CRTC1: variants seen among roughly 807,000 people sequenced by gnomAD.
The protein encoded by CRTC1 is CREB-regulated transcription coactivator 1.
CRTC1 carries 18 observed loss-of-function variants against 66.1 expected under a neutral mutation model. That is an observed-to-expected ratio of 0.27 (90% CI 0.19 to 0.40). The LOEUF (loss-of-function observed/expected upper bound fraction) is 0.40. Among genes scored for constraint, CRTC1 ranks in the 10% least tolerant of loss-of-function variants. The pLI is 1.00. For synonymous variants in CRTC1, 416 were observed against 398.8 expected, an observed-to-expected ratio of 1.04 and a Z score of -0.51; for missense variants, 669 against 887.9, an observed-to-expected ratio of 0.75 and a Z score of 3.13.
intron 4 of CRTC1, among the ~76,000 whole-genome samples, chr19:18,748,777 C>T (rs574082136): frequency 2.0e-5 from 3 of 150,394 alleles, no homozygotes; most frequent in Non-Finnish European, 4.4e-5. Context: ...TGTTAGTAAA[C>T]GGAAGAAAAG....
intron 1 of CRTC1, among the ~76,000 whole-genome samples, chr19:18,716,657 G>A (rs1370916027): frequency 2.6e-5 from 4 of 152,208 alleles, no homozygotes; most frequent in East Asian, 1.9e-4. Context: ...AGGGGCTAGC[G>A]AGTAGAGCAT....
intron 1 of CRTC1, among the ~76,000 whole-genome samples, chr19:18,693,394 A>G (rs891991913): frequency 7.3e-5 from 11 of 151,704 alleles, no homozygotes; most frequent in Non-Finnish European, 1.6e-4. Context: ...GTCTAAAAAA[A>G]AAAAAATTCA....
rs372337241 is a variant in CRTC1, at chr19:18,771,437, C to T, written c.1321-5C>T. On this transcript the variant is annotated splice_region_variant and splice_polypyrimidine_tract_variant and intron_variant, in intron 10 of 13. Coordinates refer to ENST00000321949, the MANE Select transcript of CRTC1 (RefSeq NM_015321.3). The surrounding 1 kb of genome is among the most constrained non-coding windows in gnomAD (Gnocchi z 4.6). ...TGCGGCGTGCTGATCTGTCTGTCATCGCAGGCGCCGGCTCTGCAGCAGTAC... is the reference window on the plus strand; with the variant it reads ...TGCGGCGTGCTGATCTGTCTGTCATTGCAGGCGCCGGCTCTGCAGCAGTAC... The T allele has an allele frequency of 8.1e-6, 13 of 1,610,358 alleles. No individual in the cohort carries two copies. Among genetic ancestry groups the T allele is most frequent in the African/African-American group, 6.7e-5 (5 of 74,762 alleles).
chr19:18,747,699 G>A (rs563473794), intron 4 of CRTC1, among the ~76,000 whole-genome samples: 3 of 152,224 alleles, frequency 2.0e-5, no homozygotes, highest in Non-Finnish European at 4.4e-5. Flanking sequence ...ATTTAATGCT[G>A]TATTCAGAGC....
In CRTC1 at chr19:18,777,688, T is replaced by G; in HGVS notation, c.*306T>G. Reference sequence around the variant, plus strand: ...GCCCCCAGCCCCGGGGCCTGAGCCGTCCCCTGTAAGATGCGGGAAGTGTCA... The same window carrying G: ...GCCCCCAGCCCCGGGGCCTGAGCCGGCCCCTGTAAGATGCGGGAAGTGTCA... On this transcript the variant is annotated 3_prime_UTR_variant, in exon 14 of 14. Transcript: ENST00000321949. The surrounding 1 kb of genome is among the most constrained non-coding windows in gnomAD (Gnocchi z 5.5). 1 of 406,248 alleles carries G rather than the reference T, an allele frequency of 2.5e-6. No individual in the cohort carries two copies. The allele number at this position is 406,248 out of a possible 1,614,324, so 25.2% of individuals were successfully genotyped here.
intron 1 of CRTC1, among the ~76,000 whole-genome samples, chr19:18,728,006 G>C (rs964890874): frequency 6.6e-6 from 1 of 152,158 alleles, no homozygotes; most frequent in Non-Finnish European, 1.5e-5. Flanking sequence ...GATTACAGGC[G>C]TGAGCCACCG....
At position 18,777,027 on chromosome 19, in the gene CRTC1, A is replaced by T; in HGVS notation, c.1694-144A>T. 1 of 617,022 alleles carries T rather than the reference A, an allele frequency of 1.6e-6. No homozygotes were observed. Among genetic ancestry groups the T allele is most frequent in the Non-Finnish European group, 2.9e-6 (1 of 344,342 alleles). 38.2% of individuals were successfully genotyped at this position (617,022 alleles called of 1,614,324 possible). A position where few individuals can be genotyped will look rare whatever the true frequency, so the allele number is the denominator to read the frequency against. ...CATCTCATGTGCTGGCCCCTCCCCCAGTCATGACAGCTGGAATGTCCCCAG... is the reference window on the plus strand; with the variant it reads ...CATCTCATGTGCTGGCCCCTCCCCCTGTCATGACAGCTGGAATGTCCCCAG... On this transcript the variant is annotated intron_variant, in intron 13 of 13. Transcript: ENST00000321949. The surrounding 1 kb of genome is among the most constrained non-coding windows in gnomAD (Gnocchi z 5.5).
intron 1 of CRTC1, among the ~76,000 whole-genome samples, chr19:18,714,441 G>A (rs1183643056): frequency 6.6e-6 from 1 of 152,072 alleles, no homozygotes; most frequent in East Asian, 1.9e-4. Flanking sequence ...CTGAGTAGCT[G>A]GGATTACAGG....
chr19:18,729,922 G>A (rs750021362), intron 1 of CRTC1, among the ~76,000 whole-genome samples: 8 of 152,108 alleles, frequency 5.3e-5, no homozygotes, highest in Non-Finnish European at 8.8e-5. Flanking sequence ...ACCAGGAGCT[G>A]TGACTCCTGC....
chr19:18,749,080 C>T (rs1298628597), intron 4 of CRTC1, among the ~76,000 whole-genome samples: 2 of 152,162 alleles, frequency 1.3e-5, no homozygotes, highest in Admixed American at 1.3e-4. Flanking sequence ...GAGGCACCTG[C>T]AGCCAGGAGC....
chr19:18,764,856 G>T (rs1359493101), intron 8 of CRTC1, among the ~76,000 whole-genome samples: 1 of 152,200 alleles, frequency 6.6e-6, no homozygotes, highest in African/African-American at 2.4e-5. Context: ...GATCCACGAG[G>T]TGGTGGGCAA....
At chr19:18,770,168 C>T (rs533474271) in intron 10 of CRTC1, among the ~76,000 whole-genome samples, 1 of 152,344 alleles carries the variant, frequency 6.6e-6, no homozygotes, top group South Asian at 2.1e-4. Flanking sequence ...AAGTTGTCTG[C>T]AGGCACACAG....
chr19:18,712,686 G>A (rs2053418566), intron 1 of CRTC1, among the ~76,000 whole-genome samples: 1 of 152,260 alleles, frequency 6.6e-6, no homozygotes, highest in Middle Eastern at 3.4e-3. Context: ...TTAGCCGGGT[G>A]CAGTTGCCCA....
In CRTC1 at chr19:18,697,086, C is replaced by T. The variant is rs1359409500; in HGVS notation, c.126+13258C>T. Among the ~76,000 whole-genome samples, 3 of 152,162 alleles carry T rather than the reference C, an allele frequency of 2.0e-5. No individual in the cohort carries two copies. The East Asian group carries it at 5.8e-4, about 29-fold the overall frequency. ...TGTTCTTCTGGGTGTGGCTGTGGTG[C>T]CAGCAGCTGGATGGGGGTCCAGGTG... On this transcript the variant is annotated intron_variant, in intron 1 of 13. Transcript: ENST00000321949.
At chr19:18,714,249 C>T (rs554228564) in intron 1 of CRTC1, among the ~76,000 whole-genome samples, 9 of 152,292 alleles carry the variant, frequency 5.9e-5, no homozygotes, top group Admixed American at 5.9e-4. Flanking sequence ...GATGCAGCTT[C>T]CCCAGTGGGT....
rs1207562904 is a variant in CRTC1 at position 18,768,695 on chromosome 19, C to T, written c.1222C>T (p.Pro408Ser). The T allele has an allele frequency of 1.3e-6, 2 of 1,577,430 alleles. No individual in the cohort carries two copies. Among genetic ancestry groups the T allele is most frequent in the Non-Finnish European group, 1.7e-6 (2 of 1,163,416 alleles). ...LLPSASLTRG[P>S]QPPPLAVTVP... is the part of the protein sequence containing the mutation. ...GCCCAGCGCCAGCCTGACTCGTGGGCCACAGCCGCCCCCGCTTGCAGTCAC... is the reference window on the plus strand; with the variant it reads ...GCCCAGCGCCAGCCTGACTCGTGGGTCACAGCCGCCCCCGCTTGCAGTCAC... Residue 408 changes from proline to serine, a missense_variant, in exon 10 of 14, where the codon CCA becomes TCA. Physicochemically the swap from Pro to Ser is moderately conservative, Grantham distance 74 (BLOSUM62 -1). Coordinates refer to ENST00000321949, the MANE Select transcript of CRTC1 (RefSeq NM_015321.3). This position sits in a 1 kb window ranked among gnomAD's most constrained non-coding sequence, Gnocchi z 5.6.
intron 4 of CRTC1, among the ~76,000 whole-genome samples, chr19:18,748,032 A>G (rs1294232668): frequency 6.6e-6 from 1 of 152,132 alleles, no homozygotes; most frequent in Non-Finnish European, 1.5e-5. Context: ...AGCTGTAATC[A>G]TGCCACTACA....
intron 1 of CRTC1, among the ~76,000 whole-genome samples, chr19:18,727,566 G>A (rs1241522562): frequency 1.2e-5 from 1 of 82,652 alleles, no homozygotes; most frequent in African/African-American, 4.5e-5. Flanking sequence ...GGGTGACAGA[G>A]CAAGACTCTG....
At chr19:18,722,847 A>G (rs542056780) in intron 1 of CRTC1, among the ~76,000 whole-genome samples, 4 of 152,264 alleles carry the variant, frequency 2.6e-5, no homozygotes, top group East Asian at 3.9e-4. Context: ...TTTCATATCA[A>G]TGAAAATCTG....
Sources: allele counts gnomAD v4.1 joint callset (sites outside exome capture counted in the v4.1 genomes callset), GRCh38; gene constraint gnomAD v4.1.1; non-coding constraint Gnocchi (gnomAD v3.1); transcripts MANE v1.5; gene names NCBI Gene and HGNC (gene_info 2026-07-23, HGNC 2026-07-21).